CNTLN: variants seen among roughly 807,000 people sequenced by gnomAD.
CNTLN encodes centlein, also known as centlein, centrosomal protein.
In CNTLN, 212 loss-of-function variants were observed where a neutral mutation model predicts 180.0. The ratio of observed to expected loss-of-function variants is 1.18; its 90% CI spans 1.05 to 1.32. The LOEUF (loss-of-function observed/expected upper bound fraction) is 1.32, where lower values mean the gene tolerates loss of function less well. CNTLN is among the 40% of genes most tolerant of loss of function. The probability of loss-of-function intolerance (pLI) is 0.00; values close to 1 mark genes in which losing one functional copy is unlikely to be tolerated. For synonymous variants in CNTLN, 722 were observed against 563.1 expected, an observed-to-expected ratio of 1.28 and a Z score of -3.99; for missense variants, 2,095 against 1,610.9, an observed-to-expected ratio of 1.30 and a Z score of -5.14.
intron 8 of CNTLN, among the ~76,000 whole-genome samples, chr9:17,312,687 G>A (rs1345213317): frequency 2.0e-5 from 3 of 151,350 alleles, no homozygotes; most frequent in Non-Finnish European, 4.4e-5. Context: ...ACAGGCGTGA[G>A]CCACCACGCC....
the CNTLN span, among the ~76,000 whole-genome samples, chr9:17,508,984 G>A: frequency 3.3e-5 from 5 of 152,170 alleles, no homozygotes; most frequent in Non-Finnish European, 7.3e-5. Flanking sequence ...CTCACCAAAG[G>A]GTGACCTCAG....
At chr9:17,196,590 T>G (rs957815345) in intron 2 of CNTLN, among the ~76,000 whole-genome samples, 2 of 151,818 alleles carry the variant, frequency 1.3e-5, no homozygotes, top group Non-Finnish European at 2.9e-5. Flanking sequence ...AAATAAGACT[T>G]ATATGAATAT....
chr9:17,461,770 A>G (rs879342368), intron 19 of CNTLN, among the ~76,000 whole-genome samples: 3 of 151,526 alleles, frequency 2.0e-5, no homozygotes, highest in Non-Finnish European at 4.4e-5. Context: ...TATTCATTTA[A>G]TACCTTTAAA....
At position 17,248,903 on chromosome 9, in the gene CNTLN, T is replaced by C. The variant is rs145960756; in HGVS notation, c.849+12315T>C. On this transcript the variant is annotated intron_variant, in intron 5 of 25. Coordinates refer to ENST00000380647, the MANE Select transcript of CNTLN (RefSeq NM_017738.4). The stretch of plus-strand genomic sequence containing the variant: ...TCTTATAATCATTTTTATTTCTTTA[T>C]AGTTAATCATAGTGTTCTCATGTCA... Among the ~76,000 whole-genome samples the C allele has an allele frequency of 6.3e-3, 957 of 152,098 alleles. 17 individuals are homozygous for C. Among genetic ancestry groups the C allele is most frequent in the African/African-American group, 0.021 (893 of 41,562 alleles).
intron 18 of CNTLN, among the ~76,000 whole-genome samples, chr9:17,449,373 GGTTTTTT>G (rs72155285): frequency 0.054 from 7,955 of 148,522 alleles, 501 homozygotes; most frequent in East Asian, 0.26. Flanking sequence ...TGCGGTGTTT[GGTTTTTT>G]GTTCTTGCGA....
intron 2 of CNTLN, among the ~76,000 whole-genome samples, chr9:17,210,583 A>G (rs894495931): frequency 6.6e-6 from 1 of 152,182 alleles, no homozygotes; most frequent in Non-Finnish European, 1.5e-5. Context: ...ATACCCAGTA[A>G]TGGGATGAGT....
At chr9:17,324,389 A>G (rs747876473) in intron 8 of CNTLN, among the ~76,000 whole-genome samples, 26 of 152,202 alleles carry the variant, frequency 1.7e-4, no homozygotes, top group Non-Finnish European at 3.1e-4. Context: ...GCTATTTAAG[A>G]TAAAAAGAAA....
intron 6 of CNTLN, among the ~76,000 whole-genome samples, chr9:17,293,294 C>T (rs557464358): frequency 6.6e-6 from 1 of 152,368 alleles, no homozygotes; most frequent in East Asian, 1.9e-4. Context: ...CTGGCTGCCC[C>T]TTGGCGGAGC....
At chr9:17,494,733 C>G (rs188500828) in intron 25 of CNTLN, among the ~76,000 whole-genome samples, 1 of 152,250 alleles carries the variant, frequency 6.6e-6, no homozygotes, top group African/African-American at 2.4e-5. Flanking sequence ...ACACATTACT[C>G]TCGTTTGTGG....
At chr9:17,183,622 G>A (rs1821255185) in intron 2 of CNTLN, among the ~76,000 whole-genome samples, 1 of 151,922 alleles carries the variant, frequency 6.6e-6, no homozygotes, top group Non-Finnish European at 1.5e-5. Context: ...GATTGATAAA[G>A]TCTTGCCTAT....
At chr9:17,178,485 G>C (rs575553422) in intron 2 of CNTLN, among the ~76,000 whole-genome samples, 4 of 152,078 alleles carry the variant, frequency 2.6e-5, no homozygotes, top group East Asian at 3.9e-4. Flanking sequence ...AGGGAGGCTC[G>C]GGCTGCCCGG....
At chr9:17,361,935 A>G (rs541200637) in intron 12 of CNTLN, among the ~76,000 whole-genome samples, 1 of 152,340 alleles carries the variant, frequency 6.6e-6, no homozygotes, top group East Asian at 1.9e-4. Flanking sequence ...AGTAAATCAG[A>G]GTCAGTAGCT....
At chr9:17,452,528 T>C (rs1830844402) in intron 18 of CNTLN, among the ~76,000 whole-genome samples, 1 of 152,226 alleles carries the variant, frequency 6.6e-6, no homozygotes, top group Non-Finnish European at 1.5e-5. Context: ...AGCAGTTCCC[T>C]CAGCTTCCTG....
rs199779086 is a variant in CNTLN, at chr9:17,226,940, TA to T, written c.534+654del. Among the ~76,000 whole-genome samples the T allele has an allele frequency of 7.7e-4, 116 of 151,550 alleles. 1 individual carries two copies. Among genetic ancestry groups the T allele is most frequent in the Middle Eastern group, 6.8e-3 (2 of 292 alleles). Reference sequence around the variant, plus strand: ...TTAATTTTTTTAATTTTTATATATATATTTTTTTATACTTTAAGTTCTAGGG... The same window carrying T: ...TTAATTTTTTTAATTTTTATATATATTTTTTTTATACTTTAAGTTCTAGGG... On this transcript the variant is annotated intron_variant, in intron 3 of 25. Transcript: ENST00000380647.
the CNTLN span, among the ~76,000 whole-genome samples, chr9:17,513,188 A>G: frequency 6.6e-6 from 1 of 152,214 alleles, no homozygotes; most frequent in Non-Finnish European, 1.5e-5. Context: ...TACTTTTAAT[A>G]ACAATTTTGA....
chr9:17,499,658 T>C (rs1833642248), intron 25 of CNTLN, among the ~76,000 whole-genome samples: 1 of 152,214 alleles, frequency 6.6e-6, no homozygotes, highest in African/African-American at 2.4e-5. Flanking sequence ...TGCATTTATT[T>C]GAAAACATAA....
At chr9:17,413,268 G>T (rs910714256) in intron 16 of CNTLN, among the ~76,000 whole-genome samples, 8 of 152,066 alleles carry the variant, frequency 5.3e-5, no homozygotes, top group Non-Finnish European at 1.0e-4. Flanking sequence ...ATTAATTTGA[G>T]GTGGCTCACA....
At chr9:17,395,968 G>A (rs888253591) in intron 15 of CNTLN, among the ~76,000 whole-genome samples, 11 of 152,174 alleles carry the variant, frequency 7.2e-5, no homozygotes, top group Non-Finnish European at 1.0e-4. Flanking sequence ...AGACCTTGCT[G>A]ATAAAACAGG....
chr9:17,339,710 G>A (rs1374384765), intron 10 of CNTLN, among the ~76,000 whole-genome samples: 2 of 152,148 alleles, frequency 1.3e-5, no homozygotes, highest in African/African-American at 4.8e-5. Context: ...TCTCATGAGG[G>A]AAGAAACTGG....
Sources: gnomAD v4.1 joint callset for allele counts (sites outside exome capture counted in the v4.1 genomes callset) on GRCh38, gnomAD v4.1.1 for gene constraint, MANE v1.5 for transcripts, NCBI Gene and HGNC (gene_info 2026-07-23, HGNC 2026-07-21) for gene names.